Variants in BPTF observed in about 807,000 individuals in gnomAD.
BPTF encodes bromodomain PHD finger transcription factor.
In BPTF, 18 loss-of-function variants were observed where a neutral mutation model predicts 292.5. The ratio of observed to expected loss-of-function variants is 0.06; its 90% CI spans 0.04 to 0.09. The LOEUF (loss-of-function observed/expected upper bound fraction) is 0.09, where lower values mean the gene tolerates loss of function less well. Among genes scored for constraint, BPTF ranks in the 10% least tolerant of loss-of-function variants. The pLI, the probability that BPTF is intolerant of heterozygous loss-of-function variation, is 1.00. For missense variants in BPTF, 2,726 were observed against 3,498.7 expected (o/e 0.78, Z 5.57); for synonymous variants, 1,225 against 1,251.9 (o/e 0.98, Z 0.45).
chr17:67,873,458 C>CAA (rs996819236), intron 3 of BPTF, among the ~76,000 whole-genome samples: 1 of 71,130 alleles, frequency 1.4e-5, no homozygotes. Context: ...AACTCCATCT[C>CAA]AAAAAAAAAA....
chr17:67,944,654 G>C (rs1431691155), intron 20 of BPTF: 2 of 447,190 alleles, frequency 4.5e-6, no homozygotes, highest in African/African-American at 4.0e-5. Flanking sequence ...CTTACTCCTT[G>C]CTAAGCCTTG....
intron 11 of BPTF, among the ~76,000 whole-genome samples, chr17:67,915,151 A>G (rs934728077): frequency 2.6e-5 from 4 of 152,200 alleles, no homozygotes; most frequent in Admixed American, 6.5e-5. Context: ...AAGGCTGAGC[A>G]ATATTGGAAA....
chr17:67,904,372 T>G (rs1451714332), intron 8 of BPTF, among the ~76,000 whole-genome samples: 1 of 152,226 alleles, frequency 6.6e-6, no homozygotes, highest in Non-Finnish European at 1.5e-5. Context: ...AGGGATAAAG[T>G]ACATCTTCCT....
chr17:67,957,292 A>T (rs2067050937), intron 23 of BPTF: 3 of 152,138 alleles, frequency 2.0e-5, no homozygotes, highest in Admixed American at 2.0e-4. Flanking sequence ...TCAAAAAAAT[A>T]AAAAAATAAA....
intron 2 of BPTF, among the ~76,000 whole-genome samples, chr17:67,863,258 G>A (rs1044361325): frequency 2.6e-5 from 4 of 152,080 alleles, no homozygotes; most frequent in African/African-American, 4.8e-5. Context: ...CATCACTCCA[G>A]TTGCTGCCTC....
chr17:67,910,844 A>C, intron 10 of BPTF, 33 bp from the exon 11 acceptor site: 1 of 1,431,734 alleles, frequency 7.0e-7, no homozygotes, highest in Non-Finnish European at 9.3e-7. Flanking sequence ...TCAGAGTAAA[A>C]ATTACATTTA....
At position 67,944,337 on chromosome 17, in the gene BPTF, G is replaced by GCAC. The variant is rs782180145; in HGVS notation, c.6678_6680dup (p.Thr2227dup). The GCAC allele has an allele frequency of 1.9e-6, 3 of 1,613,752 alleles. No individual in the cohort carries two copies. The highest frequency in any genetic ancestry group is 4.5e-5 in the East Asian group (2 of 44,882). ...TTGGCAACAACAGCCACCACAGCCA[G>GCAC]CACCACCACCACCACTGTTTCCACG... On this transcript the variant is annotated inframe_insertion, in exon 20 of 28. Transcript: ENST00000306378.
chr17:67,830,123 T>C (rs775006643), intron 1 of BPTF, among the ~76,000 whole-genome samples: 1 of 152,242 alleles, frequency 6.6e-6, no homozygotes, highest in Non-Finnish European at 1.5e-5. Flanking sequence ...TGAGAAGGAT[T>C]GTATAGGAAG....
rs530323306 is a variant in BPTF at position 67,907,484 on chromosome 17, T to C, written c.2813-2098T>C. ...AATTCTCTTGCCTCAGCCTCCCAAA[T>C]AGCTGGGATTACAAGTACCCGCCAC... On this transcript the variant is annotated intron_variant, in intron 9 of 27. Transcript: ENST00000306378. Among the ~76,000 whole-genome samples the C allele has an allele frequency of 4.0e-5, 6 of 151,740 alleles. No individual in the cohort carries two copies. The South Asian group carries it at 1.3e-3, about 32-fold the overall frequency.
At chr17:67,946,981 A>G (rs1555675786) in intron 21 of BPTF, among the ~76,000 whole-genome samples, 1 of 152,174 alleles carries the variant, frequency 6.6e-6, no homozygotes, top group African/African-American at 2.4e-5. Context: ...CAGGAGTTTG[A>G]ATGTGGATTT....
chr17:67,930,672 A>T (rs1598738086), intron 17 of BPTF, among the ~76,000 whole-genome samples: 3 of 152,140 alleles, frequency 2.0e-5, no homozygotes, highest in African/African-American at 7.2e-5. Context: ...GACCAGGGGC[A>T]GTAGCTCAAG....
chr17:67,839,035 T>G (rs536606427), intron 1 of BPTF, among the ~76,000 whole-genome samples: 11 of 152,266 alleles, frequency 7.2e-5, no homozygotes. Flanking sequence ...TCTGCAAAAA[T>G]GAATCATATG....
chr17:67,924,430 A>T, intron 14 of BPTF, 117 bp from the exon 15 acceptor site: 1 of 1,073,984 alleles, frequency 9.3e-7, no homozygotes, highest in Non-Finnish European at 1.3e-6. Flanking sequence ...TTTTATTTTT[A>T]AATTGAGATA....
intron 9 of BPTF, among the ~76,000 whole-genome samples, chr17:67,907,597 C>G (rs1193952087): frequency 6.6e-6 from 1 of 152,130 alleles, no homozygotes; most frequent in Non-Finnish European, 1.5e-5. Flanking sequence ...TTCAAGTGAT[C>G]TGCCTGCCTC....
chr17:67,896,718 A>G (rs3206817), intron 7 of BPTF, among the ~76,000 whole-genome samples: 33,288 of 152,138 alleles, frequency 0.22, 4,302 homozygotes, highest in East Asian at 0.68. Context: ...ATACTCAACT[A>G]TAAATCATAA....
chr17:67,931,422 C>T (rs1334152743), intron 17 of BPTF, among the ~76,000 whole-genome samples: 1 of 152,186 alleles, frequency 6.6e-6, no homozygotes, highest in African/African-American at 2.4e-5. Flanking sequence ...CTACGATGAG[C>T]TGTGATTGCA....
chr17:67,855,475 T>C (rs1034375653), intron 2 of BPTF, among the ~76,000 whole-genome samples: 2 of 152,110 alleles, frequency 1.3e-5, no homozygotes, highest in African/African-American at 2.4e-5. Context: ...AGCAAGAAAA[T>C]ACCTAGTTGT....
chr17:67,907,183 T>TC (rs1360612495), intron 9 of BPTF, among the ~76,000 whole-genome samples: 1 of 111,178 alleles, frequency 9.0e-6, no homozygotes, highest in East Asian at 5.1e-4. Context: ...AGACACTGTC[T>TC]CCAAAAAAAA....
At chr17:67,893,058 T>C (rs1290204878) in intron 5 of BPTF, among the ~76,000 whole-genome samples, 1 of 152,060 alleles carries the variant, frequency 6.6e-6, no homozygotes, top group Admixed American at 6.6e-5. Flanking sequence ...AAATGATAGG[T>C]GAGTAATTTA....
Sources: gnomAD v4.1 joint callset for allele counts (sites outside exome capture counted in the v4.1 genomes callset) on GRCh38, gnomAD v4.1.1 for gene constraint, MANE v1.5 for transcripts, NCBI Gene and HGNC (gene_info 2026-07-23, HGNC 2026-07-21) for gene names.